Variants in GNA12 observed in about 807,000 individuals in gnomAD.
GNA12 encodes G protein subunit alpha 12, also known as guanine nucleotide-binding protein subunit alpha-12.
In GNA12, 9 loss-of-function variants were observed where a neutral mutation model predicts 26.0. The observed-to-expected ratio is 0.35, with a 90% CI of 0.21 to 0.60. The LOEUF (loss-of-function observed/expected upper bound fraction) is 0.60, where lower values mean the gene tolerates loss of function less well. Ranked by LOEUF, GNA12 falls within the 20% of genes least tolerant of loss-of-function variation. The pLI, the probability that GNA12 is intolerant of heterozygous loss-of-function variation, is 0.78. For missense variants in GNA12, 405 were observed against 525.8 expected, an observed-to-expected ratio of 0.77 and a Z score of 2.25; for synonymous variants, 264 against 219.6, an observed-to-expected ratio of 1.20 and a Z score of -1.79.
intron 1 of GNA12, among the ~76,000 whole-genome samples, chr7:2,809,822 CTTAG>C (rs1793036939): frequency 6.6e-6 from 1 of 152,054 alleles, no homozygotes; most frequent in Admixed American, 6.6e-5. Context: ...GTAAATATTA[CTTAG>C]TAATAAATTC....
At chr7:2,834,724 C>T (rs1018183603) in intron 1 of GNA12, among the ~76,000 whole-genome samples, 89 of 152,182 alleles carry the variant, frequency 5.8e-4, no homozygotes, top group African/African-American at 1.2e-3. Context: ...TTTTACAGCA[C>T]GTTTTCTATG....
chr7:2,784,383 G>A (rs1461924616), intron 2 of GNA12, among the ~76,000 whole-genome samples: 1 of 152,206 alleles, frequency 6.6e-6, no homozygotes, highest in Admixed American at 6.5e-5. Flanking sequence ...CTACCAAAGG[G>A]CTGGGATTAC....
chr7:2,795,664 A>G (rs1465506481), intron 1 of GNA12, among the ~76,000 whole-genome samples: 1 of 151,740 alleles, frequency 6.6e-6, no homozygotes, highest in East Asian at 1.9e-4. Context: ...AAAAAAAAGA[A>G]AACAGATGTA....
intron 1 of GNA12, among the ~76,000 whole-genome samples, chr7:2,834,962 G>C (rs746245105): frequency 2.6e-5 from 4 of 151,500 alleles, no homozygotes; most frequent in Non-Finnish European, 5.9e-5. Flanking sequence ...TATGCATCGC[G>C]ATGCATGACT....
At chr7:2,804,649 G>A (rs1792899806) in intron 1 of GNA12, among the ~76,000 whole-genome samples, 1 of 152,210 alleles carries the variant, frequency 6.6e-6, no homozygotes, top group East Asian at 1.9e-4. Flanking sequence ...TGGGGGCAGT[G>A]TCACTAGGTT....
At chr7:2,796,475 A>G (rs1471787584) in intron 1 of GNA12, among the ~76,000 whole-genome samples, 1 of 152,110 alleles carries the variant, frequency 6.6e-6, no homozygotes, top group Non-Finnish European at 1.5e-5. Flanking sequence ...TATTGTCATC[A>G]TCACTGAAAT....
At chr7:2,739,484 T>A (rs1790388821) in intron 2 of GNA12, among the ~76,000 whole-genome samples, 1 of 98,932 alleles carries the variant, frequency 1.0e-5, no homozygotes, top group Non-Finnish European at 2.4e-5. Flanking sequence ...GGCCAATATA[T>A]ATATATGTAT....
intron 1 of GNA12, among the ~76,000 whole-genome samples, chr7:2,822,839 T>A (rs1793398677): frequency 6.6e-6 from 1 of 152,068 alleles, no homozygotes. Context: ...TTAAAGACAA[T>A]GACTTGGAAA....
chr7:2,797,596 A>G (rs1792708183), intron 1 of GNA12, among the ~76,000 whole-genome samples: 1 of 152,182 alleles, frequency 6.6e-6, no homozygotes, highest in Admixed American at 6.5e-5. Flanking sequence ...GAGCAGATGA[A>G]TCCATTCTGC....
intron 1 of GNA12, among the ~76,000 whole-genome samples, chr7:2,804,647 G>C (rs2115472392): frequency 6.6e-6 from 1 of 152,356 alleles, no homozygotes; most frequent in South Asian, 2.1e-4. Context: ...TCTGGGGGCA[G>C]TGTCACTAGG....
chr7:2,777,111 C>A (rs1792097161), intron 2 of GNA12, among the ~76,000 whole-genome samples: 1 of 152,156 alleles, frequency 6.6e-6, no homozygotes, highest in South Asian at 2.1e-4. Flanking sequence ...CCTACCCTAT[C>A]TGAATGGGAG....
intron 1 of GNA12, among the ~76,000 whole-genome samples, chr7:2,810,793 G>A (rs1169028398): frequency 6.6e-6 from 1 of 152,182 alleles, no homozygotes; most frequent in African/African-American, 2.4e-5. Context: ...AGCTACGTGG[G>A]AGGTTGAGGC....
In GNA12 at chr7:2,803,222, A is replaced by G. The variant is rs951026571; in HGVS notation, c.310-8079T>C. 3.3e-5 allele frequency among the ~76,000 whole-genome samples: 5 copies of G among 152,358 alleles called. No homozygotes were observed. In the East Asian group the frequency reaches 7.7e-4, roughly 23 times the overall value. On this transcript the variant is annotated intron_variant, in intron 1 of 3. Coordinates refer to ENST00000275364, the MANE Select transcript of GNA12 (RefSeq NM_007353.3). Reference sequence around the variant, plus strand: ...GATGCAGAGTACAGAGGCCAGCCCCATAACTGGAAGGACAGGACCGTCGGA... The same window carrying G: ...GATGCAGAGTACAGAGGCCAGCCCCGTAACTGGAAGGACAGGACCGTCGGA...
rs1791958771 is a variant in GNA12 at position 2,771,972 on chromosome 7, G to A, written c.525+22956C>T. Among the ~76,000 whole-genome samples, 4 of 152,158 alleles carry A rather than the reference G, an allele frequency of 2.6e-5. No individual in the cohort carries two copies. The South Asian group carries it at 6.2e-4, about 24-fold the overall frequency. ...CGCCTTCCAAAGGGCAGCCTCCTAG[G>A]AGAGCATGTGGTGTCTCACCACGGT... On this transcript the variant is annotated intron_variant, in intron 2 of 3. Coordinates refer to ENST00000275364, the MANE Select transcript of GNA12 (RefSeq NM_007353.3).
At chr7:2,795,268 C>G (rs1792630185) in intron 1 of GNA12, 125 bp from the exon 2 acceptor site, 1 of 705,510 alleles carries the variant, frequency 1.4e-6, no homozygotes. Flanking sequence ...GCTGTGCAGC[C>G]TGAGTCTGTC....
chr7:2,806,622 A>T (rs1167403763), intron 1 of GNA12, among the ~76,000 whole-genome samples: 1 of 152,186 alleles, frequency 6.6e-6, no homozygotes, highest in Non-Finnish European at 1.5e-5. Context: ...ACTTATTAAC[A>T]TCTAGGAATG....
chr7:2,769,688 G>A (rs1420001939), intron 2 of GNA12, among the ~76,000 whole-genome samples: 5 of 151,954 alleles, frequency 3.3e-5, no homozygotes, highest in African/African-American at 4.8e-5. Context: ...AGCCGAGATC[G>A]CACCACCGCA....
intron 1 of GNA12, chr7:2,835,574 G>A (rs1288076524): frequency 1.8e-5 from 10 of 540,618 alleles, no homozygotes; most frequent in African/African-American, 3.9e-5. Flanking sequence ...GCAAGAGCGC[G>A]CTTGGGGGCA....
At chr7:2,744,073 T>G (rs1238696255) in intron 2 of GNA12, among the ~76,000 whole-genome samples, 1 of 152,240 alleles carries the variant, frequency 6.6e-6, no homozygotes, top group Non-Finnish European at 1.5e-5. Context: ...TGCCTGCCTC[T>G]GTAGGTTCCC....
Sources: allele counts gnomAD v4.1 joint callset (sites outside exome capture counted in the v4.1 genomes callset), GRCh38; gene constraint gnomAD v4.1.1; transcripts MANE v1.5; gene names NCBI Gene and HGNC (gene_info 2026-07-23, HGNC 2026-07-21).